Variants in SAMTOR observed in about 807,000 individuals in gnomAD.
The protein encoded by SAMTOR is UPF0532 protein C7orf60.
At chr7:112,911,211 T>C in the SAMTOR span, among the ~76,000 whole-genome samples, 3 of 152,166 alleles carry the variant, frequency 2.0e-5, no homozygotes, top group South Asian at 2.1e-4. Flanking sequence ...TTTATGAGTA[T>C]GTGAAGGCAG....
chr7:112,858,630 T>A, the SAMTOR span, among the ~76,000 whole-genome samples: 161 of 152,320 alleles, frequency 1.1e-3, 3 homozygotes, highest in East Asian at 0.03. Context: ...TTCAAACTAA[T>A]GTGATTTTAA....
chr7:112,848,816 C>A, the SAMTOR span, among the ~76,000 whole-genome samples: 1 of 151,970 alleles, frequency 6.6e-6, no homozygotes, highest in East Asian at 1.9e-4. Context: ...TGCGGGAGGC[C>A]GAGGTGGGCG....
At chr7:112,902,902 G>A in the SAMTOR span, among the ~76,000 whole-genome samples, 5 of 152,030 alleles carry the variant, frequency 3.3e-5, no homozygotes, top group Non-Finnish European at 4.4e-5. Context: ...AAACTGAGAG[G>A]GACACAACAT....
the SAMTOR span, among the ~76,000 whole-genome samples, chr7:112,825,857 T>C: frequency 6.6e-6 from 1 of 151,988 alleles, no homozygotes; most frequent in African/African-American, 2.4e-5. Context: ...TTCTGAGTTT[T>C]TTTTTTTTTT....
the SAMTOR span, among the ~76,000 whole-genome samples, chr7:112,920,512 T>G: frequency 3.3e-5 from 5 of 149,722 alleles, no homozygotes; most frequent in African/African-American, 1.2e-4. Context: ...GGGCAAAAAC[T>G]GGAAGCATTC....
chr7:112,837,964 C>T, the SAMTOR span, among the ~76,000 whole-genome samples: 1 of 151,944 alleles, frequency 6.6e-6, no homozygotes, highest in African/African-American at 2.4e-5. Flanking sequence ...TATTTTTCTT[C>T]GTTAAGGCAC....
At chr7:112,921,390 C>A in the SAMTOR span, among the ~76,000 whole-genome samples, 2 of 150,812 alleles carry the variant, frequency 1.3e-5, no homozygotes, top group African/African-American at 4.9e-5. Flanking sequence ...AACTGGCTAG[C>A]CATATGTAGA....
the SAMTOR span, among the ~76,000 whole-genome samples, chr7:112,909,526 AT>A: frequency 2.6e-5 from 4 of 152,190 alleles, no homozygotes; most frequent in Non-Finnish European, 4.4e-5. Flanking sequence ...CATACAGAAA[AT>A]AACTGTTTCA....
chr7:112,916,496 C>T, the SAMTOR span, among the ~76,000 whole-genome samples: 2 of 152,166 alleles, frequency 1.3e-5, no homozygotes, highest in South Asian at 4.1e-4. Flanking sequence ...CTCCGGTCTA[C>T]AGCTCCCAGC....
chr7:112,903,396 G>C, the SAMTOR span, among the ~76,000 whole-genome samples: 68 of 151,294 alleles, frequency 4.5e-4, no homozygotes, highest in African/African-American at 1.3e-3. Flanking sequence ...GACCAAAAAG[G>C]CTTCACAACT....
chr7:112,938,789 C>T, the SAMTOR span, among the ~76,000 whole-genome samples: 1 of 152,192 alleles, frequency 6.6e-6, no homozygotes, highest in African/African-American at 2.4e-5. Flanking sequence ...CAGGCACAGG[C>T]AAAAGCCACT....
chr7:112,921,313 C>T, the SAMTOR span, among the ~76,000 whole-genome samples: 2 of 152,134 alleles, frequency 1.3e-5, no homozygotes, highest in South Asian at 4.1e-4. Context: ...ACTATCTGAT[C>T]TTTGACAAAC....
the SAMTOR span, among the ~76,000 whole-genome samples, chr7:112,924,034 G>T: frequency 1.7e-4 from 25 of 149,810 alleles, no homozygotes; most frequent in Non-Finnish European, 3.1e-4. Context: ...CACACTCTGG[G>T]GTCTGTTGTG....
chr7:112,895,286 A>G, the SAMTOR span, among the ~76,000 whole-genome samples: 1 of 151,542 alleles, frequency 6.6e-6, no homozygotes, highest in Non-Finnish European at 1.5e-5. Context: ...TATGTAATAT[A>G]TATAATTATG....
chr7:112,822,230 A>G, the SAMTOR span: 26 of 1,613,720 alleles, frequency 1.6e-5, no homozygotes, highest in Non-Finnish European at 2.2e-5. Flanking sequence ...AAAGAAGGAG[A>G]GAGAAAACAA....
the SAMTOR span, among the ~76,000 whole-genome samples, chr7:112,837,651 C>A: frequency 6.6e-6 from 1 of 151,786 alleles, no homozygotes; most frequent in Middle Eastern, 3.2e-3. Context: ...ATATATTATT[C>A]TTTTCATAAT....
At chr7:112,915,754 G>A in the SAMTOR span, among the ~76,000 whole-genome samples, 55 of 152,192 alleles carry the variant, frequency 3.6e-4, no homozygotes, top group Admixed American at 3.2e-3. Context: ...CAACATATAC[G>A]CAGATACTGT....
At chr7:112,870,338 G>T in the SAMTOR span, among the ~76,000 whole-genome samples, 1 of 152,088 alleles carries the variant, frequency 6.6e-6, no homozygotes, top group African/African-American at 2.4e-5. Context: ...TTTCTGAGGA[G>T]AAATCTTACA....
the SAMTOR span, among the ~76,000 whole-genome samples, chr7:112,865,667 C>CATATATTCATATATATTTCATAT: frequency 3.2e-5 from 3 of 92,936 alleles, no homozygotes; most frequent in African/African-American, 1.6e-4. Flanking sequence ...ATATTTCATA[C>CATATATTCATATATATTTCATAT]ATACATATAT....
Sources: allele counts gnomAD v4.1 joint callset (sites outside exome capture counted in the v4.1 genomes callset), GRCh38; gene constraint gnomAD v4.1.1; transcripts MANE v1.5; gene names NCBI Gene and HGNC (gene_info 2026-07-23, HGNC 2026-07-21).